Variants in STX17 observed in about 807,000 individuals in gnomAD.
STX17 encodes syntaxin 17, also known as syntaxin-17.
A neutral mutation model predicts 35.9 loss-of-function variants in STX17; 29 were observed. The ratio of observed to expected loss-of-function variants is 0.81; its 90% CI spans 0.60 to 1.10. STX17 has a LOEUF of 1.10. Among genes scored for constraint, STX17 ranks in the 50% least tolerant of loss-of-function variants. The pLI, the probability that STX17 is intolerant of heterozygous loss-of-function variation, is 0.00. For synonymous variants in STX17, 92 were observed against 118.3 expected (o/e 0.78, Z 1.44); for missense variants, 312 against 352.3 (o/e 0.89, Z 0.92).
At chr9:99,911,137 G>A (rs1441059646) in intron 1 of STX17, among the ~76,000 whole-genome samples, 1 of 151,890 alleles carries the variant, frequency 6.6e-6, no homozygotes, top group Non-Finnish European at 1.5e-5. Context: ...CTGGGTTCAA[G>A]CGATTCTCCT....
intron 1 of STX17, among the ~76,000 whole-genome samples, chr9:99,911,609 G>T (rs1828666269): frequency 6.6e-6 from 1 of 151,908 alleles, no homozygotes; most frequent in Non-Finnish European, 1.5e-5. Context: ...TTTGAGACAG[G>T]ATCTCACTGT....
Position 99,921,446 on chromosome 9 carries a change from G to T in STX17, c.123+6084G>T, listed in dbSNP as rs891624821. Among the ~76,000 whole-genome samples, 62 of 152,044 alleles carry T rather than the reference G, an allele frequency of 4.1e-4. 1 individual carries two copies. The highest frequency in any genetic ancestry group is 1.4e-3 in the African/African-American group (60 of 41,462). ...TCATTGTTATATTTGTTATTATATG[G>T]AATTGTGACCTTTCATCTATGTTAA... On this transcript the variant is annotated intron_variant, in intron 2 of 7. Coordinates refer to ENST00000259400, the MANE Select transcript of STX17 (RefSeq NM_017919.3).
At position 99,951,123 on chromosome 9, in the gene STX17, G is replaced by A. The variant is rs1829583639; in HGVS notation, c.253G>A (p.Val85Ile). Reference sequence around the variant, plus strand: ...TTTGAAAGTCCGAAAGGATGACCTAGTACTTCTGAAGAGAATGATAGATCC... The same window carrying A: ...TTTGAAAGTCCGAAAGGATGACCTAATACTTCTGAAGAGAATGATAGATCC... Reference protein sequence around the residue: ...LCLKVRKDDLVLLKRMIDPVK... With the variant: ...LCLKVRKDDLILLKRMIDPVK... The change falls in exon 4 of 8, where the codon GTA (valine) becomes ATA (isoleucine). Residue 85 changes from valine to isoleucine, a missense_variant. Transcript: ENST00000259400. The A allele has an allele frequency of 1.9e-6, 3 of 1,612,770 alleles. No individual in the cohort carries two copies. The highest frequency in any genetic ancestry group is 1.6e-4 in the Middle Eastern group (1 of 6,078).
At chr9:99,917,753 A>G (rs1003971078) in intron 2 of STX17, among the ~76,000 whole-genome samples, 1 of 152,238 alleles carries the variant, frequency 6.6e-6, no homozygotes, top group Non-Finnish European at 1.5e-5. Flanking sequence ...AGCTTGGAAC[A>G]TAATTTTCTT....
rs1587939476 is a variant in STX17, at chr9:99,959,344, A to T, written c.416-573A>T. On this transcript the variant is annotated intron_variant, in intron 4 of 7. Transcript: ENST00000259400. ...GATCAGTTGAGGCCGGGAGTTCAAG[A>T]CCAGCCTGGGCAACATAGCAAGACT... Among the ~76,000 whole-genome samples the T allele has an allele frequency of 3.3e-5, 5 of 152,006 alleles. No homozygotes were observed. In the South Asian group the frequency reaches 1.0e-3, roughly 32 times the overall value.
At chr9:99,949,939 G>GTA (rs1829558374) in intron 3 of STX17, among the ~76,000 whole-genome samples, 2 of 81,812 alleles carry the variant, frequency 2.4e-5, no homozygotes, top group South Asian at 5.9e-4. Context: ...ATGCACACAT[G>GTA]TATACACACA....
chr9:99,944,096 C>A lies in STX17; in HGVS notation c.190-6964C>A, dbSNP rs141640107. Among the ~76,000 whole-genome samples the A allele has an allele frequency of 8.9e-3, 1,360 of 152,050 alleles. 18 individuals carry two copies. The highest frequency in any genetic ancestry group is 0.041 in the Middle Eastern group (12 of 294). On this transcript the variant is annotated intron_variant, in intron 3 of 7. Coordinates refer to ENST00000259400, the MANE Select transcript of STX17 (RefSeq NM_017919.3). ...TCATCTAAGTTTTCTAATTTATTGGCATACATTTTTTCAGAATATTTTATT... is the reference window on the plus strand; with the variant it reads ...TCATCTAAGTTTTCTAATTTATTGGAATACATTTTTTCAGAATATTTTATT...
rs1830006412 is a variant in STX17, at chr9:99,970,983, C to T, written c.*2310C>T. On this transcript the variant is annotated 3_prime_UTR_variant, in exon 8 of 8. Transcript: ENST00000259400. ...ATTGGAATATTACTCTAGCAGTCTT[C>T]ACACATAGGCAAGTTACAGTCCTTT... 1.3e-5 allele frequency among the ~76,000 whole-genome samples: 2 copies of T among 152,184 alleles called. No homozygotes were observed. Among genetic ancestry groups the T allele is most frequent in the South Asian group, 4.1e-4 (2 of 4,830 alleles).
chr9:99,909,371 A>G (rs1275632829), intron 1 of STX17, among the ~76,000 whole-genome samples: 2 of 152,214 alleles, frequency 1.3e-5, no homozygotes, highest in East Asian at 3.8e-4. Context: ...AGGATTAGCA[A>G]TTGTATAGAA....
chr9:99,923,119 C>T (rs1002745007), intron 2 of STX17, among the ~76,000 whole-genome samples: 1 of 151,612 alleles, frequency 6.6e-6, no homozygotes, highest in Non-Finnish European at 1.5e-5. Context: ...CCTTTCCTCT[C>T]TTTTTTTTCT....
chr9:99,915,446 T>C, intron 2 of STX17, 84 bp downstream of exon 2: 1 of 1,480,336 alleles, frequency 6.8e-7, no homozygotes, highest in Non-Finnish European at 9.0e-7. Context: ...ATTTAGAATA[T>C]TAGATAAGAG....
intron 6 of STX17, among the ~76,000 whole-genome samples, chr9:99,966,447 T>C (rs1829911566): frequency 6.6e-6 from 1 of 152,170 alleles, no homozygotes; most frequent in Non-Finnish European, 1.5e-5. Context: ...AATGAAATAA[T>C]GGTTGGAATT....
At chr9:99,957,458 A>G (rs989163888) in intron 4 of STX17, among the ~76,000 whole-genome samples, 1 of 152,140 alleles carries the variant, frequency 6.6e-6, no homozygotes, top group African/African-American at 2.4e-5. Flanking sequence ...GCACCCTAAC[A>G]CAATACTCAG....
chr9:99,925,780 GTT>G (rs1160090852), intron 2 of STX17, among the ~76,000 whole-genome samples: 1 of 151,748 alleles, frequency 6.6e-6, no homozygotes, highest in East Asian at 1.9e-4. Context: ...TTTTTAAGAT[GTT>G]TTTCTTTATT....
intron 3 of STX17, among the ~76,000 whole-genome samples, chr9:99,946,681 T>G (rs1423700925): frequency 6.6e-6 from 1 of 152,200 alleles, no homozygotes; most frequent in Non-Finnish European, 1.5e-5. Context: ...TGAAGGCAAA[T>G]TCTCTCAGCT....
At chr9:99,915,592 T>C (rs1278440223) in intron 2 of STX17, among the ~76,000 whole-genome samples, 2 of 152,142 alleles carry the variant, frequency 1.3e-5, no homozygotes, top group Admixed American at 6.6e-5. Flanking sequence ...TATGCTTTTT[T>C]GTTTGTTTGT....
intron 7 of STX17, 83 bp from the exon 8 acceptor site, chr9:99,968,351 G>C: frequency 1.4e-6 from 2 of 1,480,868 alleles, no homozygotes; most frequent in Non-Finnish European, 1.8e-6. Flanking sequence ...GGCATTGCCA[G>C]GAGTAATGAG....
chr9:99,936,842 T>C lies in STX17; in HGVS notation c.189+7999T>C, dbSNP rs149907199. Among the ~76,000 whole-genome samples, 192 of 152,320 alleles carry C rather than the reference T, an allele frequency of 1.3e-3. 1 individual carries two copies. Among genetic ancestry groups the C allele is most frequent in the Middle Eastern group, 0.01 (3 of 294 alleles). Reference sequence around the variant, plus strand: ...ATTAAAGAAAAAAATCTTATATATGTACTGGTGTCATTTCCATTTTTAGTG... The same window carrying C: ...ATTAAAGAAAAAAATCTTATATATGCACTGGTGTCATTTCCATTTTTAGTG... On this transcript the variant is annotated intron_variant, in intron 3 of 7. Transcript: ENST00000259400.
intron 3 of STX17, 52 bp from the exon 4 acceptor site, chr9:99,951,008 A>C (rs1829580306): frequency 6.8e-7 from 1 of 1,465,024 alleles, no homozygotes; most frequent in Non-Finnish European, 9.3e-7. Context: ...TCTGAAAAGA[A>C]AGATATCTTA....
Sources: allele counts gnomAD v4.1 joint callset (sites outside exome capture counted in the v4.1 genomes callset), GRCh38; gene constraint gnomAD v4.1.1; transcripts MANE v1.5; gene names NCBI Gene and HGNC (gene_info 2026-07-23, HGNC 2026-07-21).